The following ZNF28 variants were observed in gnomAD, a reference collection of about 807,000 sequenced individuals.
ZNF28 encodes the protein zinc finger protein 28.
A neutral mutation model predicts 7.2 loss-of-function variants in ZNF28; 5 were observed. The observed-to-expected ratio is 0.70, with a 90% CI of 0.36 to 1.46. The LOEUF (loss-of-function observed/expected upper bound fraction) is 1.46. Ranked by LOEUF, ZNF28 falls within the 40% of genes most tolerant of loss-of-function variation. The pLI, the probability that ZNF28 is intolerant of heterozygous loss-of-function variation, is 0.03. For synonymous variants in ZNF28, 288 were observed against 292.4 expected (o/e 0.99, Z 0.15); for missense variants, 879 against 866.6 (o/e 1.01, Z -0.18).
At chr19:52,820,978 GA>G (rs2063189885) in intron 1 of ZNF28, among the ~76,000 whole-genome samples, 1 of 152,064 alleles carries the variant, frequency 6.6e-6, no homozygotes, top group South Asian at 2.1e-4. Flanking sequence ...GCATCTCGGA[GA>G]AGCGCATTTT....
Position 52,817,930 on chromosome 19 carries a change from G to C in ZNF28, c.15+14C>G, listed in dbSNP as rs1326265554. 11 of 1,610,326 alleles carry C rather than the reference G, an allele frequency of 6.8e-6. No individual in the cohort carries two copies. The highest frequency in any genetic ancestry group is 9.3e-6 in the Non-Finnish European group (11 of 1,179,774). On this transcript the variant is annotated intron_variant, in intron 2 of 3. Transcript: ENST00000457749. ...GGAAGGAGACAGAGCAATCCACCGA[G>C]AATACCATCTCACCTGAGGAAGAGC...
At chr19:52,813,249 G>GAAAAAAAAAAAAAAAAAAAAAAAAAAAA (rs71183837) in intron 2 of ZNF28, among the ~76,000 whole-genome samples, 1 of 62,984 alleles carries the variant, frequency 1.6e-5, no homozygotes, top group Non-Finnish European at 2.8e-5. Context: ...CTTGAATGGT[G>GAAAAAAAAAAAAAAAAAAAAAAAAAAAA]AAAAAAAAAA....
At position 52,818,007 on chromosome 19, in the gene ZNF28, T is replaced by A. The variant is rs756427136; in HGVS notation, c.-49A>T. 9 of 1,609,382 alleles carry A rather than the reference T, an allele frequency of 5.6e-6. No homozygotes were observed. The highest frequency in any genetic ancestry group is 4.2e-6 in the Non-Finnish European group (5 of 1,178,992). The stretch of plus-strand genomic sequence containing the variant: ...TCCTCTTCTGGGTTTCTTCCTCACG[T>A]ACCAAGATTCTTTAGAAGTCAATCC... On this transcript the variant is annotated 5_prime_UTR_variant, in exon 2 of 4. Transcript: ENST00000457749.
intron 3 of ZNF28, among the ~76,000 whole-genome samples, chr19:52,804,719 G>A (rs1446995551): frequency 6.6e-6 from 1 of 151,904 alleles, no homozygotes; most frequent in Non-Finnish European, 1.5e-5. Flanking sequence ...TGGCCAGACT[G>A]GTCTCAAACT....
At chr19:52,817,620 G>A (rs2063143194) in intron 2 of ZNF28, among the ~76,000 whole-genome samples, 1 of 152,032 alleles carries the variant, frequency 6.6e-6, no homozygotes. Context: ...TCCACAGAGA[G>A]CTGACAGTGC....
rs77331299 is a variant in ZNF28, at chr19:52,816,674, A to G, written c.15+1270T>C. Among the ~76,000 whole-genome samples, 3 of 27,280 alleles carry G rather than the reference A, an allele frequency of 1.1e-4. 1 individual carries two copies. Among genetic ancestry groups the G allele is most frequent in the Non-Finnish European group, 4.7e-4 (3 of 6,364 alleles). The allele number at this position is 27,280 out of a possible 152,430, so 17.9% of individuals were successfully genotyped here. ...GTGAAAACATCATCTCAAAAAAAGA[A>G]AAAAAAAATTAGTTGGGGATGGTGG... On this transcript the variant is annotated intron_variant, in intron 2 of 3. Coordinates refer to ENST00000457749, the MANE Select transcript of ZNF28 (RefSeq NM_006969.5).
chr19:52,802,701 T>C (rs999954164), intron 3 of ZNF28, among the ~76,000 whole-genome samples: 1 of 151,682 alleles, frequency 6.6e-6, no homozygotes, highest in African/African-American at 2.4e-5. Context: ...GTTAATACCA[T>C]ATTTTTCCAA....
chr19:52,800,928 T>A lies in ZNF28; in HGVS notation c.917A>T (p.Lys306Ile). 1.2e-6 allele frequency: 2 copies of A among 1,614,184 alleles called. No individual in the cohort carries two copies. The highest frequency in any genetic ancestry group is 1.7e-6 in the Non-Finnish European group (2 of 1,180,026). The change falls in exon 4 of 4, where the codon AAA (lysine) becomes ATA (isoleucine). Residue 306 changes from lysine to isoleucine, a missense_variant. This residue lies in a region of ZNF28 where 864 missense variants were observed against 830.2 expected (regional missense o/e 1.04). Coordinates refer to ENST00000457749, the MANE Select transcript of ZNF28 (RefSeq NM_006969.5). ...DKPYECEECD[K>I]VFSRKSHLET... Reference sequence around the variant, plus strand: ...AAGGTGTGATTTGCGACTGAAAACTTTGTCACATTCTTCACATTCATAAGG... The same window carrying A: ...AAGGTGTGATTTGCGACTGAAAACTATGTCACATTCTTCACATTCATAAGG...
At chr19:52,809,043 T>C (rs1253499483) in intron 2 of ZNF28, among the ~76,000 whole-genome samples, 1 of 152,176 alleles carries the variant, frequency 6.6e-6, no homozygotes. Context: ...TGGGGATATA[T>C]ATGTACATAT....
rs1486478970 is a variant in ZNF28, at chr19:52,797,950, GTC to G, written c.*1736_*1737del. 1 of 152,000 alleles carries G rather than the reference GTC, an allele frequency of 6.6e-6. No homozygotes were observed. The highest frequency in any genetic ancestry group is 1.9e-4 in the East Asian group (1 of 5,172). 9.4% of individuals were successfully genotyped at this position (152,000 alleles called of 1,614,324 possible). On this transcript the variant is annotated 3_prime_UTR_variant, in exon 4 of 4. Transcript: ENST00000457749. ...ATCCAGGCTAACACAGCGAAACCCA[GTC>G]TCTACTAAAAATACAAAAAATTATC...
chr19:52,811,407 G>T lies in ZNF28; in HGVS notation c.16-3274C>A, dbSNP rs1027794247. Among the ~76,000 whole-genome samples, 10 of 147,006 alleles carry T rather than the reference G, an allele frequency of 6.8e-5. 3 individuals carry two copies. The highest frequency in any genetic ancestry group is 2.4e-4 in the African/African-American group (9 of 37,752). On this transcript the variant is annotated intron_variant, in intron 2 of 3. Coordinates refer to ENST00000457749, the MANE Select transcript of ZNF28 (RefSeq NM_006969.5). ...CTGGCTGCCCAGTCTGGAAAGTGAGGAGCGTCTCTGCCCGGCCGCCATCCC... is the reference window on the plus strand; with the variant it reads ...CTGGCTGCCCAGTCTGGAAAGTGAGTAGCGTCTCTGCCCGGCCGCCATCCC...
chr19:52,820,877 C>G (rs1418078640), intron 1 of ZNF28, among the ~76,000 whole-genome samples: 1 of 152,022 alleles, frequency 6.6e-6, no homozygotes. Flanking sequence ...TTTTCTCTGT[C>G]TCAGGTTTTC....
chr19:52,810,657 T>C (rs1245099462), intron 2 of ZNF28: 1 of 1,137,718 alleles, frequency 8.8e-7, no homozygotes, highest in East Asian at 2.4e-5. Context: ...GGCTCTGGGG[T>C]CGCGTCTACA....
intron 2 of ZNF28, chr19:52,810,420 G>A (rs2063004309): frequency 1.2e-6 from 2 of 1,603,770 alleles, no homozygotes; most frequent in Non-Finnish European, 1.7e-6. Context: ...CAAATTTAGT[G>A]GCCATCCCAA....
chr19:52,801,513 G>T lies in ZNF28; in HGVS notation c.332C>A (p.Ala111Glu). ...WKEDETNDHAAPMTEIKELTG... is the reference protein window; with the variant it reads ...WKEDETNDHAEPMTEIKELTG... ...CAACTCTTTGATTTCTGTCATGGGT[G>T]CTGCATGGTCATTTGTTTCATCTTC... Residue 111 changes from alanine (A) to glutamate (E), a missense_variant, in exon 4 of 4, where the codon GCA becomes GAA. Physicochemically the swap from Ala to Glu is moderately radical, Grantham distance 107. Coordinates refer to ENST00000457749, the MANE Select transcript of ZNF28 (RefSeq NM_006969.5). 6.2e-7 allele frequency: 1 copy of T among 1,614,110 alleles called. No homozygotes were observed. The highest frequency in any genetic ancestry group is 8.5e-7 in the Non-Finnish European group (1 of 1,179,978).
At chr19:52,810,242 T>A in intron 2 of ZNF28, 1 of 1,231,844 alleles carries the variant, frequency 8.1e-7, no homozygotes, top group East Asian at 2.3e-5. Flanking sequence ...GGAATATGAG[T>A]CTACCTCCAG....
intron 2 of ZNF28, among the ~76,000 whole-genome samples, chr19:52,817,518 G>T (rs2063142124): frequency 6.6e-6 from 1 of 152,122 alleles, no homozygotes; most frequent in Non-Finnish European, 1.5e-5. Context: ...AGGGAGAAAA[G>T]ATTTTCCCTT....
At chr19:52,816,660 A>T (rs28450473) in intron 2 of ZNF28, among the ~76,000 whole-genome samples, 1 of 131,142 alleles carries the variant, frequency 7.6e-6, no homozygotes, top group African/African-American at 3.4e-5. Flanking sequence ...TGAAAACATC[A>T]TCTCAAAAAA....
At position 52,818,021 on chromosome 19, in the gene ZNF28, A is replaced by G; in HGVS notation, c.-63T>C. The G allele has an allele frequency of 7.5e-6, 12 of 1,606,418 alleles. No homozygotes were observed. Among genetic ancestry groups the G allele is most frequent in the Non-Finnish European group, 1.0e-5 (12 of 1,176,754 alleles). ...TCTTCCTCACGTACCAAGATTCTTT[A>G]GAAGTCAATCCTGAATGTTAAAAAT... On this transcript the variant is annotated 5_prime_UTR_variant, in exon 2 of 4. Transcript: ENST00000457749.
Sources: allele counts gnomAD v4.1 joint callset (sites outside exome capture counted in the v4.1 genomes callset), GRCh38; gene constraint gnomAD v4.1.1; regional missense constraint gnomAD v4.1.1; transcripts MANE v1.5; gene names NCBI Gene and HGNC (gene_info 2026-07-23, HGNC 2026-07-21).